Variants in XRCC4 observed in about 807,000 individuals in gnomAD.
The protein encoded by XRCC4 is X-ray repair cross complementing 4.
XRCC4 carries 28 observed loss-of-function variants against 39.1 expected under a neutral mutation model. The ratio of observed to expected loss-of-function variants is 0.72; its 90% CI spans 0.53 to 0.98. XRCC4 has a LOEUF of 0.98. Ranked by LOEUF, XRCC4 falls within the 50% of genes least tolerant of loss-of-function variation. XRCC4 has a pLI of 0.00. For synonymous variants in XRCC4, 123 were observed against 126.4 expected, an observed-to-expected ratio of 0.97 and a Z score of 0.18; for missense variants, 350 against 376.4, an observed-to-expected ratio of 0.93 and a Z score of 0.58.
intron 6 of XRCC4, among the ~76,000 whole-genome samples, chr5:83,238,102 A>G (rs1296225215): frequency 1.3e-5 from 2 of 152,154 alleles, no homozygotes; most frequent in East Asian, 3.8e-4. Flanking sequence ...CCTCCCTGCT[A>G]CAAATGCACT....
chr5:83,267,640 T>A (rs1181302438), intron 7 of XRCC4, among the ~76,000 whole-genome samples: 1 of 152,114 alleles, frequency 6.6e-6, no homozygotes, highest in African/African-American at 2.4e-5. Context: ...CCCTGGACAG[T>A]CTCAGGGAGC....
At chr5:83,172,819 C>G (rs907794931) in intron 3 of XRCC4, among the ~76,000 whole-genome samples, 13 of 152,110 alleles carry the variant, frequency 8.5e-5, no homozygotes, top group African/African-American at 2.7e-4. Flanking sequence ...CATCATTGCT[C>G]TCTTTCCTCT....
chr5:83,236,315 A>G (rs1752685585), intron 6 of XRCC4, among the ~76,000 whole-genome samples: 1 of 152,216 alleles, frequency 6.6e-6, no homozygotes, highest in Non-Finnish European at 1.5e-5. Flanking sequence ...ACTTCAAATT[A>G]TACTACAAAA....
intron 3 of XRCC4, among the ~76,000 whole-genome samples, chr5:83,167,195 T>C (rs138731729): frequency 7.9e-4 from 120 of 152,030 alleles, no homozygotes; most frequent in African/African-American, 2.7e-3. Context: ...ATTATGGTTT[T>C]GATTTGCATT....
chr5:83,370,493 C>T, the XRCC4 span, among the ~76,000 whole-genome samples: 4 of 152,248 alleles, frequency 2.6e-5, no homozygotes, highest in African/African-American at 9.6e-5. Flanking sequence ...CTGAAAGACA[C>T]AGAGGAGGGC....
At chr5:83,339,246 G>A (rs943556960) in intron 7 of XRCC4, among the ~76,000 whole-genome samples, 1 of 152,126 alleles carries the variant, frequency 6.6e-6, no homozygotes, top group African/African-American at 2.4e-5. Flanking sequence ...TTCTTCTAGT[G>A]CTGACCCCTT....
At chr5:83,153,855 C>T (rs943446700) in intron 3 of XRCC4, among the ~76,000 whole-genome samples, 4 of 152,134 alleles carry the variant, frequency 2.6e-5, no homozygotes. Flanking sequence ...TTTCTTATTT[C>T]TACCTAATTG....
intron 6 of XRCC4, among the ~76,000 whole-genome samples, chr5:83,228,741 T>C (rs1752382600): frequency 6.6e-6 from 1 of 152,086 alleles, no homozygotes; most frequent in African/African-American, 2.4e-5. Flanking sequence ...GTTCTAAACT[T>C]AGGTAGAGTG....
intron 2 of XRCC4, among the ~76,000 whole-genome samples, 171 bp from the exon 3 acceptor site, chr5:83,110,857 T>C (rs185509600): frequency 6.6e-5 from 10 of 152,232 alleles, no homozygotes; most frequent in Admixed American, 1.3e-4. Context: ...CAAAAATTGC[T>C]AGTTCAGTAA....
chr5:83,127,480 T>C (rs1487212696), intron 3 of XRCC4, among the ~76,000 whole-genome samples: 3 of 152,144 alleles, frequency 2.0e-5, no homozygotes, highest in African/African-American at 7.2e-5. Flanking sequence ...ATGTAAGATG[T>C]GCCTTTCACC....
intron 3 of XRCC4, among the ~76,000 whole-genome samples, chr5:83,122,619 C>T (rs973076331): frequency 4.6e-5 from 7 of 152,078 alleles, no homozygotes; most frequent in African/African-American, 1.7e-4. Context: ...CACTTTGAAG[C>T]AGAAAGTGAG....
intron 4 of XRCC4, chr5:83,201,342 T>C (rs1035551117): frequency 6.6e-6 from 1 of 152,320 alleles, no homozygotes; most frequent in Non-Finnish European, 1.5e-5. Context: ...GACATGGGAC[T>C]GGGCAAGCCC....
chr5:83,322,383 A>G (rs1349750449), intron 7 of XRCC4, among the ~76,000 whole-genome samples: 2 of 152,190 alleles, frequency 1.3e-5, no homozygotes, highest in African/African-American at 4.8e-5. Context: ...TTATCCCCCA[A>G]TTATATAGTA....
chr5:83,311,281 G>A (rs1297401270), intron 7 of XRCC4, among the ~76,000 whole-genome samples: 2 of 152,048 alleles, frequency 1.3e-5, no homozygotes, highest in African/African-American at 2.4e-5. Context: ...GAAATAAGAC[G>A]TAGTGATCAA....
chr5:83,207,552 C>G (rs16900232), intron 6 of XRCC4, among the ~76,000 whole-genome samples: 4,510 of 151,974 alleles, frequency 0.03, 244 homozygotes, highest in African/African-American at 0.1. Context: ...TACCCTTTTT[C>G]TTCTGCTGCA....
chr5:83,215,180 A>G (rs1057043068), intron 6 of XRCC4, among the ~76,000 whole-genome samples: 2 of 151,968 alleles, frequency 1.3e-5, no homozygotes, highest in Non-Finnish European at 2.9e-5. Flanking sequence ...TACAAAAAAT[A>G]CAAAAAAACT....
intron 7 of XRCC4, among the ~76,000 whole-genome samples, chr5:83,347,529 A>G (rs1010973380): frequency 6.6e-6 from 1 of 152,288 alleles, no homozygotes; most frequent in South Asian, 2.1e-4. Flanking sequence ...AGATCTCATG[A>G]GAACTCACAC....
chr5:83,156,555 C>CAA (rs1476151041), intron 3 of XRCC4, among the ~76,000 whole-genome samples: 1 of 152,012 alleles, frequency 6.6e-6, no homozygotes, highest in Admixed American at 6.6e-5. Flanking sequence ...CAGTATGTCT[C>CAA]AAATTTTTTT....
At chr5:83,179,261 G>A (rs1335507426) in intron 3 of XRCC4, among the ~76,000 whole-genome samples, 2 of 152,146 alleles carry the variant, frequency 1.3e-5, no homozygotes, top group Admixed American at 1.3e-4. Context: ...AAAAATGAGT[G>A]GGATCCCTAA....
Sources: allele counts gnomAD v4.1 joint callset (sites outside exome capture counted in the v4.1 genomes callset), GRCh38; gene constraint gnomAD v4.1.1; transcripts MANE v1.5; gene names NCBI Gene and HGNC (gene_info 2026-07-23, HGNC 2026-07-21).